SYNE1: variants seen among roughly 807,000 people sequenced by gnomAD.
SYNE1 encodes nesprin-1.
Under a neutral mutation model 1,111.0 loss-of-function variants are expected in SYNE1, and 616 were observed. That is an observed-to-expected ratio of 0.55 (90% CI 0.52 to 0.59). The LOEUF is 0.59. SYNE1 is among the 20% of genes least tolerant of loss of function. SYNE1 has a pLI of 0.00. For missense variants in SYNE1, 10,006 were observed against 10,417.0 expected, an observed-to-expected ratio of 0.96 and a Z score of 1.72; for synonymous variants, 3,855 against 3,825.8, an observed-to-expected ratio of 1.01 and a Z score of -0.28.
chr6:152,434,117 G>C, intron 33 of SYNE1, 172 bp from the exon 34 acceptor site: 1 of 624,692 alleles, frequency 1.6e-6, no homozygotes, highest in Non-Finnish European at 2.8e-6. Flanking sequence ...TAGTTTATCA[G>C]GTTTTCCTAT....
chr6:152,385,558 A>G, intron 55 of SYNE1, 116 bp downstream of exon 55: 1 of 1,231,038 alleles, frequency 8.1e-7, no homozygotes, highest in Non-Finnish European at 1.2e-6. Context: ...TGAGGCATCA[A>G]ATAGAAAACA....
chr6:152,511,156 T>C (rs2099082934), intron 6 of SYNE1, 53 bp from the exon 7 acceptor site: 2 of 1,494,526 alleles, frequency 1.3e-6, no homozygotes, highest in Admixed American at 1.7e-5. Flanking sequence ...TTATAACTCA[T>C]TTAATTATGT....
intron 140 of SYNE1, among the ~76,000 whole-genome samples, chr6:152,138,160 C>A (rs1490294676): frequency 1.3e-5 from 2 of 152,090 alleles, no homozygotes; most frequent in African/African-American, 2.4e-5. Context: ...TAGGGATGCA[C>A]CTTTTGGATC....
chr6:152,247,729 A>T (rs187310777), intron 105 of SYNE1, among the ~76,000 whole-genome samples: 1,052 of 86,992 alleles, frequency 0.012, 8 homozygotes, highest in African/African-American at 0.051. Context: ...ATTTTTTATT[A>T]TATATATATA....
chr6:152,515,284 CA>C (rs935524888), intron 6 of SYNE1, among the ~76,000 whole-genome samples: 1 of 151,302 alleles, frequency 6.6e-6, no homozygotes, highest in Non-Finnish European at 1.5e-5. Context: ...AAATAAATTT[CA>C]AAAAACTCTC....
intron 16 of SYNE1, among the ~76,000 whole-genome samples, chr6:152,468,785 T>A (rs1465834663): frequency 6.6e-6 from 1 of 152,176 alleles, no homozygotes; most frequent in Non-Finnish European, 1.5e-5. Flanking sequence ...TTTTTATTTT[T>A]ATTTTTTTGA....
At chr6:152,585,824 A>G (rs1210591102) in intron 3 of SYNE1, among the ~76,000 whole-genome samples, 1 of 152,206 alleles carries the variant, frequency 6.6e-6, no homozygotes, top group Non-Finnish European at 1.5e-5. Context: ...TCGTAAAAAT[A>G]AGTGATTTTA....
intron 127 of SYNE1, among the ~76,000 whole-genome samples, chr6:152,191,580 C>T (rs561522409): frequency 2.0e-5 from 3 of 152,206 alleles, no homozygotes; most frequent in South Asian, 2.1e-4. Flanking sequence ...TCATAAAAGC[C>T]GCTAAAGATC....
intron 55 of SYNE1, among the ~76,000 whole-genome samples, chr6:152,384,646 C>T (rs563589828): frequency 5.9e-5 from 9 of 152,154 alleles, no homozygotes; most frequent in African/African-American, 2.2e-4. Flanking sequence ...GAGGCCAAGG[C>T]AGGCTGATCA....
chr6:152,411,722 C>CCCCCCCCA (rs1554649150), intron 42 of SYNE1, among the ~76,000 whole-genome samples: 3 of 136,248 alleles, frequency 2.2e-5, no homozygotes. Context: ...CACACACACA[C>CCCCCCCCA]ACACACCCCC....
intron 70 of SYNE1, 58 bp from the exon 71 acceptor site, chr6:152,350,828 A>G: frequency 1.9e-6 from 3 of 1,600,630 alleles, no homozygotes; most frequent in Non-Finnish European, 2.6e-6. Context: ...AGATGAATAC[A>G]TACATATTCC....
rs1251059465 is a variant in SYNE1, at chr6:152,385,857, A to G, written c.8488-19T>C. On this transcript the variant is annotated intron_variant, in intron 54 of 145. Transcript: ENST00000367255. ...TTTTTTCCTAGTAAACAAAGAAAAG[A>G]CTACCTTAACAGTGGTCCTTTTGAG... 1 of 1,613,520 alleles carries G rather than the reference A, an allele frequency of 6.2e-7. No homozygotes were observed. The highest frequency in any genetic ancestry group is 1.3e-5 in the African/African-American group (1 of 74,918).
In SYNE1 at chr6:152,624,790, C is replaced by T. The variant is rs1199657223; in HGVS notation, c.67+3475G>A. On this transcript the variant is annotated intron_variant, in intron 3 of 145. Coordinates refer to ENST00000367255, the MANE Select transcript of SYNE1 (RefSeq NM_182961.4). ...GCAAAGGTGAAATATTGAATGGCTA[C>T]TGTTGCAGCTAAATTATGTAGCAAT... Among the ~76,000 whole-genome samples the T allele has an allele frequency of 8.5e-5, 13 of 152,136 alleles. 1 individual carries two copies. The highest frequency in any genetic ancestry group is 4.4e-5 in the Non-Finnish European group (3 of 68,026).
In SYNE1 at chr6:152,300,892, T is replaced by G. The variant is rs542190813; in HGVS notation, c.17542-111A>C. Reference sequence around the variant, plus strand: ...GTTAATTATAAAACGAAGGTTAAAATTACTGGGACCCGAATTCACATATTA... The same window carrying G: ...GTTAATTATAAAACGAAGGTTAAAAGTACTGGGACCCGAATTCACATATTA... On this transcript the variant is annotated intron_variant, in intron 92 of 145. Transcript: ENST00000367255. 3.4e-6 allele frequency: 5 copies of G among 1,471,408 alleles called. No individual in the cohort carries two copies. The East Asian group carries it at 9.2e-5, about 27-fold the overall frequency. The allele number at this position is 1,471,408 out of a possible 1,614,324, so 91.1% of individuals were successfully genotyped here.
At chr6:152,409,423 GA>G (rs1235492223) in intron 43 of SYNE1, 135 bp downstream of exon 43, 19 of 1,280,058 alleles carry the variant, frequency 1.5e-5, no homozygotes, top group African/African-American at 3.0e-5. Context: ...ATTCCTAGGG[GA>G]AAAAAAGTTG....
chr6:152,266,811 G>A (rs916767122), intron 100 of SYNE1, among the ~76,000 whole-genome samples: 5 of 151,806 alleles, frequency 3.3e-5, no homozygotes, highest in Admixed American at 6.6e-5. Flanking sequence ...CTCAGAATTC[G>A]TATATATGTA....
intron 3 of SYNE1, among the ~76,000 whole-genome samples, chr6:152,605,018 GAGAGAGA>G (rs2099609501): frequency 1.5e-5 from 1 of 65,496 alleles, no homozygotes; most frequent in African/African-American, 7.2e-5. Context: ...GAGAGAGAGA[GAGAGAGA>G]GAGAGAGAGA....
chr6:152,272,597 T>A (rs9478307), intron 98 of SYNE1, among the ~76,000 whole-genome samples: 10,147 of 152,260 alleles, frequency 0.067, 377 homozygotes, highest in Middle Eastern at 0.099. Context: ...TCTTACTACA[T>A]GCCCTTAAGA....
intron 11 of SYNE1, among the ~76,000 whole-genome samples, chr6:152,496,514 A>G (rs372476796): frequency 1.5e-4 from 23 of 152,026 alleles, no homozygotes; most frequent in African/African-American, 5.6e-4. Flanking sequence ...AATTCACACA[A>G]AACCACATCC....
Sources: allele counts gnomAD v4.1 joint callset (sites outside exome capture counted in the v4.1 genomes callset), GRCh38; gene constraint gnomAD v4.1.1; transcripts MANE v1.5; gene names NCBI Gene and HGNC (gene_info 2026-07-23, HGNC 2026-07-21).